The following MYO7B variants were observed in gnomAD, a reference collection of about 807,000 sequenced individuals.
MYO7B encodes the protein unconventional myosin-VIIb.
Under a neutral mutation model 259.7 loss-of-function variants are expected in MYO7B, and 212 were observed. That is an observed-to-expected ratio of 0.82 (90% CI 0.73 to 0.91). MYO7B has a LOEUF of 0.91. MYO7B is among the 40% of genes least tolerant of loss of function. The probability of loss-of-function intolerance (pLI) is 0.00; values close to 1 mark genes in which losing one functional copy is unlikely to be tolerated. For missense variants in MYO7B, 2,732 were observed against 2,813.5 expected (o/e 0.97, Z 0.66); for synonymous variants, 1,197 against 1,166.4 (o/e 1.03, Z -0.54).
At chr2:127,581,710 G>A (rs78387685) in intron 10 of MYO7B, among the ~76,000 whole-genome samples, 181 bp from the exon 11 acceptor site, 4,221 of 152,224 alleles carry the variant, frequency 0.028, 218 homozygotes, top group African/African-American at 0.096. Flanking sequence ...TTGACCCACC[G>A]AGCTGGAGAA....
At position 127,588,676 on chromosome 2, in the gene MYO7B, A is replaced by G. The variant is rs1679400105; in HGVS notation, c.1854+121A>G. On this transcript the variant is annotated intron_variant, in intron 15 of 47. Transcript: ENST00000409816. ...CCACAGCATGCAGTTGGCACTTGGG[A>G]ATCCTGCAATGGATGGATGGATGGG... The G allele has an allele frequency of 2.6e-6, 3 of 1,159,344 alleles. No homozygotes were observed. In the South Asian group the frequency reaches 4.4e-5, roughly 17 times the overall value. 71.8% of individuals were successfully genotyped at this position (1,159,344 alleles called of 1,614,324 possible).
chr2:127,624,029 G>A, intron 29 of MYO7B, 64 bp from the exon 30 acceptor site: 1 of 1,422,216 alleles, frequency 7.0e-7, no homozygotes, highest in Non-Finnish European at 9.5e-7. Flanking sequence ...CGCTGACGGT[G>A]GGCGTCCCCG....
intron 1 of MYO7B, among the ~76,000 whole-genome samples, chr2:127,540,634 G>A (rs1692970102): frequency 1.3e-5 from 2 of 152,204 alleles, no homozygotes; most frequent in African/African-American, 4.8e-5. Flanking sequence ...ATGAAGGGGG[G>A]CATCCAATGG....
intron 12 of MYO7B, 109 bp downstream of exon 12, chr2:127,582,555 G>A: frequency 3.0e-6 from 4 of 1,332,542 alleles, no homozygotes; most frequent in Non-Finnish European, 4.1e-6. Context: ...ACCCAGGCCT[G>A]GCGAGTCCCA....
Position 127,552,408 on chromosome 2 carries a change from C to T in MYO7B, c.-23-7292C>T, listed in dbSNP as rs115608399. ...GTCATGATGGAATGAGAACAAGTTG[C>T]TCATGGGACCCAGCTGGGTCCAGGG... On this transcript the variant is annotated intron_variant, in intron 1 of 47. Transcript: ENST00000409816. Among the ~76,000 whole-genome samples the T allele has an allele frequency of 6.1e-3, 928 of 152,200 alleles. 9 individuals are homozygous for T. The highest frequency in any genetic ancestry group is 0.018 in the African/African-American group (757 of 41,522).
intron 9 of MYO7B, among the ~76,000 whole-genome samples, chr2:127,579,205 T>A (rs1679003967): frequency 1.3e-5 from 2 of 151,166 alleles, no homozygotes; most frequent in African/African-American, 4.9e-5. Context: ...TTCATTGGAG[T>A]CCTAAAGGAA....
chr2:127,630,633 G>C, intron 35 of MYO7B, 145 bp from the exon 36 acceptor site: 1 of 1,115,580 alleles, frequency 9.0e-7, no homozygotes, highest in Non-Finnish European at 1.3e-6. Context: ...CACGGCAGGT[G>C]ACAGGGGTGT....
rs1681251087 is a variant in MYO7B at position 127,628,141 on chromosome 2, C to T, written c.4461-231C>T. 2 of 673,234 alleles carry T rather than the reference C, an allele frequency of 3.0e-6. No homozygotes were observed. The highest frequency in any genetic ancestry group is 1.8e-5 in the African/African-American group (1 of 56,540). The allele number at this position is 673,234 out of a possible 1,614,324, so 41.7% of individuals were successfully genotyped here. ...CAGCCACCTCATTATCTGCCCACAGCCAACCCCACACATGGGCTGCACCAC... is the reference window on the plus strand; with the variant it reads ...CAGCCACCTCATTATCTGCCCACAGTCAACCCCACACATGGGCTGCACCAC... On this transcript the variant is annotated intron_variant, in intron 33 of 47. Transcript: ENST00000409816. This position sits in a 1 kb window ranked among gnomAD's most constrained non-coding sequence, Gnocchi z 4.8.
chr2:127,549,755 G>A (rs1344973669), intron 1 of MYO7B, among the ~76,000 whole-genome samples: 2 of 152,092 alleles, frequency 1.3e-5, no homozygotes, highest in East Asian at 1.9e-4. Flanking sequence ...AGTTGGAGAC[G>A]CTAATTTGGG....
intron 19 of MYO7B, 139 bp from the exon 20 acceptor site, chr2:127,605,705 C>A (rs2105019101): frequency 2.7e-6 from 2 of 736,084 alleles, no homozygotes; most frequent in East Asian, 5.5e-5. Flanking sequence ...GTCTGTAACA[C>A]CTTCTGAGAA....
intron 26 of MYO7B, among the ~76,000 whole-genome samples, chr2:127,617,486 G>GTTTTT (rs1558838488): frequency 9.3e-6 from 1 of 107,834 alleles, no homozygotes; most frequent in African/African-American, 4.9e-5. Flanking sequence ...CTTGTAACGG[G>GTTTTT]GTTTTTTTTT....
In MYO7B at chr2:127,609,788, A is replaced by G. The variant is rs1680305665; in HGVS notation, c.3025-61A>G. 3 of 1,610,864 alleles carry G rather than the reference A, an allele frequency of 1.9e-6. No homozygotes were observed. The highest frequency in any genetic ancestry group is 2.5e-6 in the Non-Finnish European group (3 of 1,177,428). On this transcript the variant is annotated intron_variant, in intron 23 of 47. Coordinates refer to ENST00000409816, the MANE Select transcript of MYO7B (RefSeq NM_001393586.1). This position sits in a 1 kb window ranked among gnomAD's most constrained non-coding sequence, Gnocchi z 6.9. Reference sequence around the variant, plus strand: ...GGGGTGTGAGCTATGGCTCGGGGAAAGAAGGAAGGGGCCATAGTCACTGAT... The same window carrying G: ...GGGGTGTGAGCTATGGCTCGGGGAAGGAAGGAAGGGGCCATAGTCACTGAT...
chr2:127,593,967 C>A (rs564315078), intron 18 of MYO7B, among the ~76,000 whole-genome samples: 4 of 152,218 alleles, frequency 2.6e-5, no homozygotes, highest in East Asian at 1.9e-4. Flanking sequence ...GAGCTCAGGG[C>A]GGTCTGCCGG....
intron 10 of MYO7B, among the ~76,000 whole-genome samples, chr2:127,581,576 C>T (rs750859736): frequency 3.9e-5 from 6 of 152,174 alleles, no homozygotes; most frequent in African/African-American, 1.2e-4. Context: ...AGCCTTCAGG[C>T]GGGACTGATT....
chr2:127,634,531 A>G, intron 41 of MYO7B, 65 bp from the exon 42 acceptor site: 13 of 1,408,656 alleles, frequency 9.2e-6, no homozygotes, highest in Non-Finnish European at 1.3e-5. Flanking sequence ...ACCAGAACCC[A>G]GCAGGTTCTC....
intron 6 of MYO7B, among the ~76,000 whole-genome samples, 168 bp downstream of exon 6, chr2:127,570,078 G>A (rs1470428218): frequency 6.6e-6 from 1 of 152,148 alleles, no homozygotes; most frequent in African/African-American, 2.4e-5. Context: ...AGGGGGGCCA[G>A]GCAGCACAAA....
At chr2:127,552,388 G>T (rs751994940) in intron 1 of MYO7B, among the ~76,000 whole-genome samples, 6 of 152,136 alleles carry the variant, frequency 3.9e-5, no homozygotes, top group Non-Finnish European at 8.8e-5. Flanking sequence ...CAGGTGTCAT[G>T]ATGGAATGAG....
rs1681835241 is a variant in MYO7B at position 127,636,657 on chromosome 2, G to A, written c.6207+29G>A. ...GCTGCTGGGCCTCCGGAGGGGCTGGGGGCCACCAGGTCCAGGGACCTGTGC... is the reference window on the plus strand; with the variant it reads ...GCTGCTGGGCCTCCGGAGGGGCTGGAGGCCACCAGGTCCAGGGACCTGTGC... On this transcript the variant is annotated intron_variant, in intron 46 of 47. Transcript: ENST00000409816. This position sits in a 1 kb window ranked among gnomAD's most constrained non-coding sequence, Gnocchi z 4.5. 3 of 1,608,422 alleles carry A rather than the reference G, an allele frequency of 1.9e-6. No individual in the cohort carries two copies. In the South Asian group the frequency reaches 3.3e-5, roughly 18 times the overall value.
chr2:127,554,985 G>A (rs558467382), intron 1 of MYO7B, among the ~76,000 whole-genome samples: 4 of 143,292 alleles, frequency 2.8e-5, no homozygotes, highest in Admixed American at 2.1e-4. Context: ...TTTCACTCTC[G>A]TTGCCCAGGC....
Sources: gnomAD v4.1 joint callset for allele counts (sites outside exome capture counted in the v4.1 genomes callset) on GRCh38, gnomAD v4.1.1 for gene constraint, Gnocchi (gnomAD v3.1) non-coding constraint, MANE v1.5 for transcripts, NCBI Gene and HGNC (gene_info 2026-07-23, HGNC 2026-07-21) for gene names.